Variants in IGSF23 observed in about 807,000 individuals in gnomAD.
The protein encoded by IGSF23 is immunoglobulin superfamily member 23, also known as immunoglobulin superfamily, member 23.
IGSF23 carries 14 observed loss-of-function variants against 17.8 expected under a neutral mutation model. That is an observed-to-expected ratio of 0.79 (90% CI 0.52 to 1.23). The LOEUF (loss-of-function observed/expected upper bound fraction) is 1.23, where lower values mean the gene tolerates loss of function less well. IGSF23 is among the 50% of genes most tolerant of loss of function. The probability of loss-of-function intolerance (pLI) is 0.00; values close to 1 mark genes in which losing one functional copy is unlikely to be tolerated. For synonymous variants in IGSF23, 85 were observed against 92.5 expected, an observed-to-expected ratio of 0.92 and a Z score of 0.46; for missense variants, 214 against 241.7, an observed-to-expected ratio of 0.89 and a Z score of 0.76.
intron 2 of IGSF23, 140 bp from the exon 3 acceptor site, chr19:44,627,280 G>T: frequency 1.2e-6 from 1 of 806,858 alleles, no homozygotes. Context: ...AGAGCAGGGA[G>T]GAGAGGGGGC....
chr19:44,619,532 T>C (rs985978155), intron 1 of IGSF23, among the ~76,000 whole-genome samples: 11 of 152,210 alleles, frequency 7.2e-5, no homozygotes, highest in African/African-American at 2.7e-4. Context: ...GTCCAGAGAC[T>C]GTCCTAGTCG....
At chr19:44,617,017 G>A (rs1476884998) in intron 1 of IGSF23, among the ~76,000 whole-genome samples, 1 of 151,908 alleles carries the variant, frequency 6.6e-6, no homozygotes, top group Non-Finnish European at 1.5e-5. Context: ...TCCCACCTCA[G>A]CCTCCTGAGT....
chr19:44,629,774 C>T (rs553361845), intron 3 of IGSF23, among the ~76,000 whole-genome samples: 2 of 151,740 alleles, frequency 1.3e-5, no homozygotes, highest in South Asian at 2.1e-4. Context: ...GCTGGGACTA[C>T]AGGCGGGCAC....
intron 1 of IGSF23, among the ~76,000 whole-genome samples, chr19:44,621,094 C>T (rs1409713735): frequency 6.6e-6 from 1 of 151,954 alleles, no homozygotes; most frequent in Non-Finnish European, 1.5e-5. Flanking sequence ...CCAGCCTGGG[C>T]AACATGATGA....
intron 1 of IGSF23, among the ~76,000 whole-genome samples, chr19:44,617,243 T>A (rs1972403871): frequency 7.1e-6 from 1 of 139,994 alleles, no homozygotes; most frequent in Non-Finnish European, 1.5e-5. Flanking sequence ...AAAAAATGCC[T>A]ATCAGGAGTG....
At chr19:44,628,227 G>A (rs904255693) in intron 3 of IGSF23, among the ~76,000 whole-genome samples, 3 of 152,176 alleles carry the variant, frequency 2.0e-5, no homozygotes, top group Non-Finnish European at 2.9e-5. Flanking sequence ...ACAGGCATGA[G>A]CCACTGCACC....
At chr19:44,622,286 C>T (rs145088525) in intron 1 of IGSF23, among the ~76,000 whole-genome samples, 27 of 152,144 alleles carry the variant, frequency 1.8e-4, no homozygotes, top group African/African-American at 6.3e-4. Flanking sequence ...GCTCTTTCTC[C>T]TCCTTCAAGG....
At chr19:44,629,081 A>T (rs1972713941) in intron 3 of IGSF23, among the ~76,000 whole-genome samples, 1 of 152,114 alleles carries the variant, frequency 6.6e-6, no homozygotes, top group South Asian at 2.1e-4. Context: ...TGGGTCAGAG[A>T]GGGAGTAGGG....
At chr19:44,624,228 C>A (rs1972587814) in intron 2 of IGSF23, among the ~76,000 whole-genome samples, 1 of 150,790 alleles carries the variant, frequency 6.6e-6, no homozygotes, top group Admixed American at 6.7e-5. Context: ...TTCTTTTCCT[C>A]CTCCTCCTCC....
intron 3 of IGSF23, among the ~76,000 whole-genome samples, chr19:44,631,216 A>G (rs150338429): frequency 2.2e-4 from 34 of 152,272 alleles, no homozygotes; most frequent in African/African-American, 7.9e-4. Context: ...GCAGTGAGCC[A>G]TTATTGCTCT....
intron 1 of IGSF23, among the ~76,000 whole-genome samples, chr19:44,623,110 C>CG (rs1258170445): frequency 2.6e-5 from 4 of 152,252 alleles, no homozygotes; most frequent in Non-Finnish European, 5.9e-5. Context: ...GCTGAGCCCC[C>CG]GAGTCCTAGA....
intron 1 of IGSF23, among the ~76,000 whole-genome samples, chr19:44,619,709 C>G (rs1453767759): frequency 2.0e-5 from 3 of 152,170 alleles, no homozygotes; most frequent in Non-Finnish European, 4.4e-5. Context: ...GGTCTTTCTT[C>G]TGTGTGTGCA....
At chr19:44,622,453 G>A (rs1239830188) in intron 1 of IGSF23, among the ~76,000 whole-genome samples, 1 of 152,114 alleles carries the variant, frequency 6.6e-6, no homozygotes, top group African/African-American at 2.4e-5. Flanking sequence ...GTCCCTACTA[G>A]ACCACGAAGC....
intron 1 of IGSF23, among the ~76,000 whole-genome samples, chr19:44,619,302 A>T (rs888871183): frequency 2.0e-5 from 3 of 152,230 alleles, no homozygotes; most frequent in African/African-American, 7.2e-5. Flanking sequence ...GCATTTCAAC[A>T]TGAGATTTTG....
intron 1 of IGSF23, among the ~76,000 whole-genome samples, chr19:44,615,213 C>T (rs1279257634): frequency 2.0e-5 from 3 of 152,046 alleles, no homozygotes; most frequent in Non-Finnish European, 2.9e-5. Context: ...GGCGTGAACC[C>T]GGGAGGCGGA....
At chr19:44,614,631 T>C (rs1360556772) in intron 1 of IGSF23, among the ~76,000 whole-genome samples, 5 of 151,968 alleles carry the variant, frequency 3.3e-5, no homozygotes, top group Non-Finnish European at 7.4e-5. Context: ...GAGGTCTTAC[T>C]ATGTTGCCCA....
At position 44,635,454 on chromosome 19, in the gene IGSF23, T is replaced by C. The variant is rs1337308496; in HGVS notation, c.*20T>C. ...AGCTGAAATGTGGGCAACTCTCCTGTCAGCTGAAGAGGTAATACCAGGAAG... is the reference window on the plus strand; with the variant it reads ...AGCTGAAATGTGGGCAACTCTCCTGCCAGCTGAAGAGGTAATACCAGGAAG... On this transcript the variant is annotated 3_prime_UTR_variant, in exon 4 of 5. Coordinates refer to ENST00000402988, the MANE Select transcript of IGSF23 (RefSeq NM_001205280.2). 4 of 1,548,812 alleles carry C rather than the reference T, an allele frequency of 2.6e-6. No individual in the cohort carries two copies. Among genetic ancestry groups the C allele is most frequent in the Admixed American group, 2.0e-5 (1 of 50,922 alleles).
intron 1 of IGSF23, among the ~76,000 whole-genome samples, chr19:44,617,063 G>A (rs187149701): frequency 1.2e-4 from 18 of 151,806 alleles, no homozygotes; most frequent in Middle Eastern, 3.4e-3. Context: ...CATGCCCAGC[G>A]AATTTTTTAT....
At chr19:44,631,284 T>C (rs1169814862) in intron 3 of IGSF23, among the ~76,000 whole-genome samples, 1 of 150,818 alleles carries the variant, frequency 6.6e-6, no homozygotes, top group Non-Finnish European at 1.5e-5. Flanking sequence ...ATTTTTTTAA[T>C]TGAAAATAAA....
Sources: gnomAD v4.1 joint callset for allele counts (sites outside exome capture counted in the v4.1 genomes callset) on GRCh38, gnomAD v4.1.1 for gene constraint, MANE v1.5 for transcripts, NCBI Gene and HGNC (gene_info 2026-07-23, HGNC 2026-07-21) for gene names.